Variants in DCHS2 observed in about 807,000 individuals in gnomAD.
DCHS2 encodes dachsous cadherin-related 2, also known as protocadherin-23.
DCHS2 carries 142 observed loss-of-function variants against 182.4 expected under a neutral mutation model. The ratio of observed to expected loss-of-function variants is 0.78; its 90% confidence interval spans 0.68 to 0.89. The LOEUF (loss-of-function observed/expected upper bound fraction) is 0.89, where lower values mean the gene tolerates loss of function less well. DCHS2 is among the 40% of genes least tolerant of loss of function. The probability of loss-of-function intolerance (pLI) is 0.00; values close to 1 mark genes in which losing one functional copy is unlikely to be tolerated. For synonymous variants in DCHS2, 1,740 were observed against 1,663.3 expected (o/e 1.05, Z -1.12); for missense variants, 4,319 against 4,198.6 (o/e 1.03, Z -0.79).
At chr4:154,323,459 A>G in intron 7 of DCHS2, 1 of 1,324,934 alleles carries the variant, frequency 7.5e-7, no homozygotes, top group South Asian at 1.5e-5. Flanking sequence ...CCTCCCAGAT[A>G]GCTGGGACTA....
chr4:154,390,347 T>C (rs1186854709), intron 1 of DCHS2, among the ~76,000 whole-genome samples: 2 of 145,962 alleles, frequency 1.4e-5, no homozygotes, highest in African/African-American at 5.1e-5. Flanking sequence ...TTCCCACCTA[T>C]GAGTGAGAAT....
intron 16 of DCHS2, among the ~76,000 whole-genome samples, chr4:154,248,073 G>T (rs968448167): frequency 6.6e-6 from 1 of 152,146 alleles, no homozygotes; most frequent in Non-Finnish European, 1.5e-5. Flanking sequence ...GCAGTTAGAG[G>T]ATAAATTAGA....
At chr4:154,459,261 A>G (rs894572320) in intron 1 of DCHS2, among the ~76,000 whole-genome samples, 1 of 152,076 alleles carries the variant, frequency 6.6e-6, no homozygotes, top group Admixed American at 6.6e-5. Flanking sequence ...TGTATTTGAG[A>G]ATCTCTCGTT....
intron 19 of DCHS2, chr4:154,237,610 T>C (rs192924876): frequency 1.3e-5 from 2 of 154,470 alleles, no homozygotes; most frequent in African/African-American, 4.8e-5. Context: ...AATGCTGAGT[T>C]ACTATTATAC....
chr4:154,328,297 A>T, intron 6 of DCHS2, 105 bp from the exon 7 acceptor site: 1 of 729,384 alleles, frequency 1.4e-6, no homozygotes. Flanking sequence ...ATTTTAAACT[A>T]TCTTAAAATC....
chr4:154,319,538 A>G lies in DCHS2; in HGVS notation c.5020+841T>C, dbSNP rs572514718. On this transcript the variant is annotated intron_variant, in intron 9 of 19. Transcript: ENST00000357232. Reference sequence around the variant, plus strand: ...AGACTTGAATAGAAACATCTCCAAAAAAGACATACAAATGGCTAACAGGTA... The same window carrying G: ...AGACTTGAATAGAAACATCTCCAAAGAAGACATACAAATGGCTAACAGGTA... Among the ~76,000 whole-genome samples, 10 of 152,062 alleles carry G rather than the reference A, an allele frequency of 6.6e-5. 1 individual carries two copies. Among genetic ancestry groups the G allele is most frequent in the African/African-American group, 2.4e-4 (10 of 41,528 alleles).
chr4:154,287,641 G>T (rs1734463923), intron 13 of DCHS2, among the ~76,000 whole-genome samples: 1 of 151,946 alleles, frequency 6.6e-6, no homozygotes, highest in Non-Finnish European at 1.5e-5. Context: ...CACCATACCT[G>T]GCTAATTTTT....
At chr4:154,434,316 C>T (rs1017037072) in intron 1 of DCHS2, among the ~76,000 whole-genome samples, 4 of 152,082 alleles carry the variant, frequency 2.6e-5, no homozygotes, top group African/African-American at 9.6e-5. Flanking sequence ...CAGCTCCTTG[C>T]GGGGCTGAGG....
In DCHS2 at chr4:154,235,073, T is replaced by C. The variant is rs1379626304; in HGVS notation, c.9579A>G (p.Lys3193=). ...TTCTAACGTCAGCCAGGATGCTCTC[T>C]TTTGCCTCTCTCTTCTGAACTGTCT... is the stretch of plus-strand genomic sequence containing the variant. ...LPQTVQKREA[K]ESILADVRKE... is the part of the protein sequence containing the mutation. The change falls in exon 20 of 20, where the codon AAA becomes AAG. Residue 3193 remains lysine (K), a synonymous_variant. Transcript: ENST00000357232. 5.0e-6 allele frequency: 8 copies of C among 1,613,856 alleles called. No homozygotes were observed. The highest frequency in any genetic ancestry group is 6.8e-6 in the Non-Finnish European group (8 of 1,179,954).
At chr4:154,239,924 C>G (rs774103266) in intron 18 of DCHS2, among the ~76,000 whole-genome samples, 7 of 152,100 alleles carry the variant, frequency 4.6e-5, no homozygotes, top group Non-Finnish European at 1.0e-4. Context: ...ATATATTATT[C>G]CATTACATGC....
chr4:154,334,475 T>C (rs1728682881), intron 4 of DCHS2: 1 of 162,090 alleles, frequency 6.2e-6, no homozygotes, highest in Non-Finnish European at 1.3e-5. Flanking sequence ...CATCCATTTA[T>C]CTGGAAAGTT....
chr4:154,323,163 A>G (rs1438202839), intron 7 of DCHS2: 2 of 1,523,580 alleles, frequency 1.3e-6, no homozygotes, highest in African/African-American at 1.4e-5. Context: ...TGCATCTCCA[A>G]CGTGTAGCAT....
intron 1 of DCHS2, among the ~76,000 whole-genome samples, chr4:154,435,552 C>T (rs1305306058): frequency 6.6e-6 from 1 of 151,034 alleles, no homozygotes; most frequent in Admixed American, 6.6e-5. Context: ...GCCCAGATTG[C>T]ACCACTGCAC....
At chr4:154,320,310 G>A in intron 9 of DCHS2, 69 bp downstream of exon 9, 4 of 1,535,740 alleles carry the variant, frequency 2.6e-6, no homozygotes, top group Non-Finnish European at 3.5e-6. Context: ...TTGTTAGGAG[G>A]GTGGGTCTCA....
chr4:154,311,463 G>A (rs1254781261), intron 10 of DCHS2, among the ~76,000 whole-genome samples: 1 of 151,604 alleles, frequency 6.6e-6, no homozygotes, highest in African/African-American at 2.4e-5. Flanking sequence ...TTGAACTCCT[G>A]GCTTCAAGCA....
chr4:154,484,833 C>T (rs1728520814), intron 1 of DCHS2, among the ~76,000 whole-genome samples: 1 of 152,172 alleles, frequency 6.6e-6, no homozygotes, highest in Non-Finnish European at 1.5e-5. Context: ...GAAGGGAAAT[C>T]TTACTGATCA....
intron 13 of DCHS2, among the ~76,000 whole-genome samples, chr4:154,291,343 G>A (rs1383879267): frequency 6.6e-6 from 1 of 152,026 alleles, no homozygotes; most frequent in African/African-American, 2.4e-5. Context: ...CTGTTGGTGG[G>A]AATGTAAATT....
At position 154,235,444 on chromosome 4, in the gene DCHS2, C is replaced by T. The variant is rs1276199045; in HGVS notation, c.9208G>A (p.Glu3070Lys). The T allele has an allele frequency of 6.2e-7, 1 of 1,614,078 alleles. No individual in the cohort carries two copies. The highest frequency in any genetic ancestry group is 1.7e-5 in the Admixed American group (1 of 60,014). ...ATGATACTTATTAAACTCAACCATT[C>T]CGGAGTGGCATCCACAGGGACCACC... The part of the protein sequence containing the change: ...NEVVPVDATP[E>K]WLSLISIMEK... The change falls in exon 20 of 20, where the codon GAA (glutamate) becomes AAA (lysine). Residue 3070 changes from glutamate (E) to lysine (K), a missense_variant. Glu to Lys is a moderately conservative substitution (Grantham distance 56). Coordinates refer to ENST00000357232, the MANE Select transcript of DCHS2 (RefSeq NM_001358235.2).
intron 13 of DCHS2, among the ~76,000 whole-genome samples, chr4:154,296,324 C>G (rs953872083): frequency 2.6e-5 from 4 of 151,956 alleles, no homozygotes; most frequent in Admixed American, 6.6e-5. Context: ...CTTGGAAATG[C>G]GAGGGGTGGA....
Sources: allele counts gnomAD v4.1 joint callset (sites outside exome capture counted in the v4.1 genomes callset), GRCh38; gene constraint gnomAD v4.1.1; transcripts MANE v1.5; gene names NCBI Gene and HGNC (gene_info 2026-07-23, HGNC 2026-07-21).